AGBL4: variants seen among roughly 807,000 people sequenced by gnomAD.
AGBL4 encodes the protein AGBL carboxypeptidase 4, also known as cytosolic carboxypeptidase 6.
A neutral mutation model predicts 66.4 loss-of-function variants in AGBL4; 58 were observed. The ratio of observed to expected loss-of-function variants is 0.87; its 90% CI spans 0.71 to 1.09. AGBL4 has a LOEUF of 1.09. Ranked by LOEUF, AGBL4 falls within the 50% of genes least tolerant of loss-of-function variation. AGBL4 has a pLI of 0.00. For synonymous variants in AGBL4, 234 were observed against 222.9 expected (o/e 1.05, Z -0.44); for missense variants, 579 against 631.0 (o/e 0.92, Z 0.88).
chr1:49,206,741 G>A (rs750099998), intron 4 of AGBL4, among the ~76,000 whole-genome samples: 2 of 152,086 alleles, frequency 1.3e-5, no homozygotes, highest in Non-Finnish European at 2.9e-5. Flanking sequence ...GATGAGTCTG[G>A]AGGCCAGTAC....
intron 4 of AGBL4, among the ~76,000 whole-genome samples, chr1:49,163,846 T>C (rs967404095): frequency 6.6e-6 from 1 of 151,984 alleles, no homozygotes; most frequent in African/African-American, 2.4e-5. Context: ...AGGATCACAA[T>C]AAAAAAATGA....
At chr1:49,487,589 C>A (rs891944538) in intron 3 of AGBL4, among the ~76,000 whole-genome samples, 3 of 151,894 alleles carry the variant, frequency 2.0e-5, no homozygotes, top group Non-Finnish European at 4.4e-5. Flanking sequence ...GAAGAAGGTA[C>A]CTGCCTCTCC....
intron 2 of AGBL4, among the ~76,000 whole-genome samples, chr1:49,715,659 C>A (rs2124672681): frequency 6.6e-6 from 1 of 152,212 alleles, no homozygotes; most frequent in East Asian, 1.9e-4. Flanking sequence ...TTCTAACTGG[C>A]ATGAGATGGT....
At chr1:48,620,272 A>G (rs956145692) in intron 9 of AGBL4, among the ~76,000 whole-genome samples, 2 of 152,026 alleles carry the variant, frequency 1.3e-5, no homozygotes, top group Non-Finnish European at 2.9e-5. Context: ...TTATTTACGT[A>G]TTTAAATATT....
At chr1:48,583,285 C>T (rs1644767591) in intron 11 of AGBL4, among the ~76,000 whole-genome samples, 1 of 152,212 alleles carries the variant, frequency 6.6e-6, no homozygotes, top group South Asian at 2.1e-4. Context: ...TTCACATAAA[C>T]CTTTTCAATG....
intron 4 of AGBL4, among the ~76,000 whole-genome samples, chr1:49,111,958 G>A (rs1310079502): frequency 6.6e-6 from 1 of 152,208 alleles, no homozygotes; most frequent in Non-Finnish European, 1.5e-5. Flanking sequence ...CATAGGCAGA[G>A]TAGGTTATCA....
intron 11 of AGBL4, among the ~76,000 whole-genome samples, chr1:48,563,552 A>G (rs183077808): frequency 2.0e-4 from 31 of 152,260 alleles, no homozygotes; most frequent in Non-Finnish European, 3.8e-4. Flanking sequence ...AACAGAGAGG[A>G]GGAGATACAG....
intron 2 of AGBL4, among the ~76,000 whole-genome samples, chr1:49,793,742 T>C (rs1644663045): frequency 6.6e-6 from 1 of 151,850 alleles, no homozygotes; most frequent in African/African-American, 2.4e-5. Context: ...AGGTAAGAAA[T>C]TTAAATTTAG....
chr1:49,119,899 C>G (rs1454465973), intron 4 of AGBL4, among the ~76,000 whole-genome samples: 1 of 152,178 alleles, frequency 6.6e-6, no homozygotes, highest in East Asian at 1.9e-4. Context: ...ATAGTTAGCT[C>G]TTCTTATTGA....
intron 7 of AGBL4, among the ~76,000 whole-genome samples, chr1:48,656,768 C>T (rs1198098761): frequency 1.3e-5 from 2 of 152,076 alleles, no homozygotes; most frequent in Admixed American, 6.6e-5. Flanking sequence ...GTGGGAGCTA[C>T]ACTTGGGGTG....
At chr1:49,984,750 T>C (rs1052353644) in intron 1 of AGBL4, among the ~76,000 whole-genome samples, 4 of 152,110 alleles carry the variant, frequency 2.6e-5, no homozygotes, top group African/African-American at 9.7e-5. Context: ...AAATATAAGA[T>C]ATTACATAAT....
intron 3 of AGBL4, among the ~76,000 whole-genome samples, chr1:49,516,447 A>G (rs1649832818): frequency 6.6e-6 from 1 of 152,054 alleles, no homozygotes; most frequent in Admixed American, 6.6e-5. Context: ...GAAAGAGAAC[A>G]ATTTTAGCAA....
intron 3 of AGBL4, among the ~76,000 whole-genome samples, chr1:49,384,851 T>C (rs528689071): frequency 6.6e-6 from 1 of 152,308 alleles, no homozygotes; most frequent in Non-Finnish European, 1.5e-5. Context: ...ATCACACTTC[T>C]GGGCATATAT....
chr1:49,928,885 A>C (rs1653056746), intron 1 of AGBL4, among the ~76,000 whole-genome samples: 1 of 152,282 alleles, frequency 6.6e-6, no homozygotes, highest in African/African-American at 2.4e-5. Flanking sequence ...TCGCAGCACT[A>C]TTTGCAATAG....
At chr1:49,738,616 G>T (rs1650116032) in intron 2 of AGBL4, among the ~76,000 whole-genome samples, 1 of 152,186 alleles carries the variant, frequency 6.6e-6, no homozygotes, top group Admixed American at 6.5e-5. Context: ...CCTCAAGTGG[G>T]TCCTTGACCC....
At chr1:48,771,633 C>G (rs745981147) in intron 6 of AGBL4, among the ~76,000 whole-genome samples, 2 of 152,222 alleles carry the variant, frequency 1.3e-5, no homozygotes, top group Non-Finnish European at 2.9e-5. Context: ...AAAGTTTTCA[C>G]TCACTTTTTT....
In AGBL4 at chr1:49,083,878, T is replaced by C. The variant is rs1644851346; in HGVS notation, c.378-38078A>G. On this transcript the variant is annotated intron_variant, in intron 4 of 13. Coordinates refer to ENST00000371839, the MANE Select transcript of AGBL4 (RefSeq NM_032785.4). ...TTAAGAGCATCCAAGTCACATGCTT[T>C]GCTGCTTAGAAGTTTCTTTCGCTAG... is the stretch of plus-strand genomic sequence containing the variant. 2.6e-5 allele frequency among the ~76,000 whole-genome samples: 4 copies of C among 152,372 alleles called. No homozygotes were observed. The South Asian group carries it at 8.3e-4, about 32-fold the overall frequency.
chr1:48,667,759 G>A (rs1646211773), intron 6 of AGBL4, among the ~76,000 whole-genome samples: 1 of 152,204 alleles, frequency 6.6e-6, no homozygotes, highest in Non-Finnish European at 1.5e-5. Context: ...GAGCCAAGAT[G>A]TGGAGAATCT....
intron 1 of AGBL4, among the ~76,000 whole-genome samples, chr1:49,993,607 C>T (rs955564653): frequency 3.3e-5 from 5 of 152,284 alleles, no homozygotes; most frequent in African/African-American, 1.2e-4. Context: ...GGCAGAATTA[C>T]ACACCCCATC....
Sources: gnomAD v4.1 joint callset for allele counts (sites outside exome capture counted in the v4.1 genomes callset) on GRCh38, gnomAD v4.1.1 for gene constraint, MANE v1.5 for transcripts, NCBI Gene and HGNC (gene_info 2026-07-23, HGNC 2026-07-21) for gene names.